The following ROBO1 variants were observed in gnomAD, a reference collection of about 807,000 sequenced individuals.
ROBO1 encodes roundabout homolog 1.
In ROBO1, 149 loss-of-function variants were observed where a neutral mutation model predicts 195.9. The ratio of observed to expected loss-of-function variants is 0.76; its 90% confidence interval spans 0.67 to 0.87. ROBO1 has a LOEUF of 0.87. Ranked by LOEUF, ROBO1 falls within the 40% of genes least tolerant of loss-of-function variation. The pLI is 0.00. For missense variants in ROBO1, 1,933 were observed against 2,068.3 expected (o/e 0.93, Z 1.27); for synonymous variants, 816 against 733.2 (o/e 1.11, Z -1.82).
At chr3:79,676,791 T>A (rs1181125861) in intron 1 of ROBO1, among the ~76,000 whole-genome samples, 1 of 152,046 alleles carries the variant, frequency 6.6e-6, no homozygotes, top group East Asian at 1.9e-4. Context: ...GAGGTGACAG[T>A]TGATTACACA....
At chr3:78,599,278 C>A (rs996459139) in intron 30 of ROBO1, among the ~76,000 whole-genome samples, 8 of 152,108 alleles carry the variant, frequency 5.3e-5, no homozygotes, top group Admixed American at 1.3e-4. Context: ...AACAGTAAGG[C>A]CATTCTGTTC....
intron 4 of ROBO1, among the ~76,000 whole-genome samples, chr3:78,787,044 G>A (rs6797202): frequency 0.047 from 7,106 of 152,172 alleles, 549 homozygotes; most frequent in African/African-American, 0.16. Context: ...TCACCTAGAT[G>A]GCTTTGATAA....
At chr3:78,650,703 T>A (rs1354257418) in intron 19 of ROBO1, among the ~76,000 whole-genome samples, 1 of 152,168 alleles carries the variant, frequency 6.6e-6, no homozygotes, top group African/African-American at 2.4e-5. Context: ...AAATTGGAAA[T>A]CCTCTTTAAA....
intron 3 of ROBO1, among the ~76,000 whole-genome samples, chr3:79,062,566 T>G (rs577358694): frequency 1.3e-3 from 191 of 152,258 alleles, no homozygotes; most frequent in South Asian, 0.012. Context: ...TATTGCGGCA[T>G]TATTCACAAT....
intron 2 of ROBO1, among the ~76,000 whole-genome samples, chr3:79,286,463 C>A (rs2031894497): frequency 6.6e-6 from 1 of 152,092 alleles, no homozygotes; most frequent in Non-Finnish European, 1.5e-5. Flanking sequence ...TGCCAATGTT[C>A]CCACTATATT....
chr3:79,019,419 T>C (rs1406853129), intron 3 of ROBO1: 2 of 986,048 alleles, frequency 2.0e-6, no homozygotes, highest in Non-Finnish European at 2.4e-6. Context: ...CAGCGGCGTC[T>C]GAAGTTTCTG....
intron 2 of ROBO1, among the ~76,000 whole-genome samples, chr3:79,580,349 C>T (rs1943620358): frequency 6.6e-6 from 1 of 151,892 alleles, no homozygotes; most frequent in African/African-American, 2.4e-5. Context: ...TGGTGCACAT[C>T]TGTAATTTCA....
chr3:78,835,989 T>C (rs1227946854), intron 4 of ROBO1, among the ~76,000 whole-genome samples: 1 of 152,180 alleles, frequency 6.6e-6, no homozygotes, highest in Non-Finnish European at 1.5e-5. Context: ...AGTACACAAA[T>C]TAGTGATGTG....
chr3:79,166,314 G>A (rs190778357), intron 2 of ROBO1, among the ~76,000 whole-genome samples: 1 of 152,136 alleles, frequency 6.6e-6, no homozygotes, highest in East Asian at 1.9e-4. Context: ...ACTAAATTTT[G>A]GACAGCTGTA....
At chr3:78,981,266 T>C (rs1439126520) in intron 3 of ROBO1, among the ~76,000 whole-genome samples, 3 of 152,168 alleles carry the variant, frequency 2.0e-5, no homozygotes, top group Non-Finnish European at 4.4e-5. Flanking sequence ...TAAAGGGTCA[T>C]AGACTATGAA....
At chr3:78,918,578 C>A (rs533202669) in intron 4 of ROBO1, among the ~76,000 whole-genome samples, 453 of 152,148 alleles carry the variant, frequency 3.0e-3, no homozygotes, top group Non-Finnish European at 5.0e-3. Flanking sequence ...GTGTTTTATA[C>A]TCTTTAGGGT....
At chr3:79,542,729 C>T (rs1418925141) in intron 2 of ROBO1, among the ~76,000 whole-genome samples, 1 of 152,032 alleles carries the variant, frequency 6.6e-6, no homozygotes, top group African/African-American at 2.4e-5. Flanking sequence ...TCTGTAATCA[C>T]TCAGCTAGTA....
At chr3:79,570,397 A>G (rs1943240769) in intron 2 of ROBO1, among the ~76,000 whole-genome samples, 1 of 152,144 alleles carries the variant, frequency 6.6e-6, no homozygotes, top group Non-Finnish European at 1.5e-5. Flanking sequence ...AACAAACTGG[A>G]TTACTAGAAG....
chr3:79,617,342 G>A (rs1247962364), intron 1 of ROBO1, among the ~76,000 whole-genome samples: 2 of 152,098 alleles, frequency 1.3e-5, no homozygotes, highest in Non-Finnish European at 2.9e-5. Flanking sequence ...TAGGAAAGAA[G>A]ATAATCTTCC....
chr3:79,502,284 G>T (rs983779854), intron 2 of ROBO1, among the ~76,000 whole-genome samples: 3 of 152,136 alleles, frequency 2.0e-5, no homozygotes, highest in Admixed American at 6.5e-5. Context: ...AACCGGGGCT[G>T]CGCGCGGCGC....
At chr3:79,256,236 C>T (rs987950873) in intron 2 of ROBO1, among the ~76,000 whole-genome samples, 1 of 152,136 alleles carries the variant, frequency 6.6e-6, no homozygotes, top group Non-Finnish European at 1.5e-5. Context: ...ATAATACTTT[C>T]TAAGTCTCCT....
At chr3:78,768,095 G>C (rs1377932170) in intron 4 of ROBO1, among the ~76,000 whole-genome samples, 1 of 152,074 alleles carries the variant, frequency 6.6e-6, no homozygotes, top group Non-Finnish European at 1.5e-5. Context: ...TGCCTTTGCT[G>C]TATCCCAGAG....
chr3:79,071,931 G>A (rs2079098145), intron 3 of ROBO1, among the ~76,000 whole-genome samples: 1 of 151,710 alleles, frequency 6.6e-6, no homozygotes, highest in Non-Finnish European at 1.5e-5. Flanking sequence ...TCTAAAAAAT[G>A]TTCTGTATTT....
At chr3:78,994,733 C>T (rs2077320076) in intron 3 of ROBO1, among the ~76,000 whole-genome samples, 1 of 152,172 alleles carries the variant, frequency 6.6e-6, no homozygotes, top group Non-Finnish European at 1.5e-5. Context: ...CTGTAAAAGT[C>T]ATGCAGCCAA....
Sources: gnomAD v4.1 joint callset for allele counts (sites outside exome capture counted in the v4.1 genomes callset) on GRCh38, gnomAD v4.1.1 for gene constraint, MANE v1.5 for transcripts, NCBI Gene and HGNC (gene_info 2026-07-23, HGNC 2026-07-21) for gene names.